Variants in CNOT1 observed in about 807,000 individuals in gnomAD.
The protein encoded by CNOT1 is CCR4-associated factor 1.
CNOT1 carries 15 observed loss-of-function variants against 273.8 expected under a neutral mutation model. The observed-to-expected ratio is 0.05, with a 90% confidence interval of 0.04 to 0.08. The LOEUF (loss-of-function observed/expected upper bound fraction) is 0.08. Ranked by LOEUF, CNOT1 falls within the 10% of genes least tolerant of loss-of-function variation. The pLI, the probability that CNOT1 is intolerant of heterozygous loss-of-function variation, is 1.00. For synonymous variants in CNOT1, 1,022 were observed against 1,005.5 expected, an observed-to-expected ratio of 1.02 and a Z score of -0.31; for missense variants, 1,644 against 2,912.2, an observed-to-expected ratio of 0.56 and a Z score of 10.02.
chr16:58,571,983 T>C (rs2041290126), intron 16 of CNOT1, among the ~76,000 whole-genome samples: 1 of 149,598 alleles, frequency 6.7e-6, no homozygotes, highest in Non-Finnish European at 1.5e-5. Context: ...AAATAAAAAA[T>C]TAAAAATAAA....
At chr16:58,593,671 A>G (rs2042145076) in intron 2 of CNOT1, among the ~76,000 whole-genome samples, 1 of 151,856 alleles carries the variant, frequency 6.6e-6, no homozygotes, top group African/African-American at 2.4e-5. Context: ...GAGTTTGAGG[A>G]GATGATGATC....
chr16:58,599,132 AAGTT>A, intron 2 of CNOT1, 100 bp downstream of exon 2: 1 of 1,488,976 alleles, frequency 6.7e-7, no homozygotes, highest in Admixed American at 1.9e-5. Flanking sequence ...TAAGGGGCAA[AAGTT>A]AGTTACCTTT....
At chr16:58,618,025 T>C (rs2043156166) in intron 1 of CNOT1, among the ~76,000 whole-genome samples, 1 of 152,012 alleles carries the variant, frequency 6.6e-6, no homozygotes, top group African/African-American at 2.4e-5. Context: ...AAAGAAAAAA[T>C]TGACTTTCCA....
chr16:58,563,442 T>C (rs1488898966), intron 16 of CNOT1, among the ~76,000 whole-genome samples: 1 of 152,054 alleles, frequency 6.6e-6, no homozygotes, highest in Non-Finnish European at 1.5e-5. Context: ...GACACATATC[T>C]CAGAAATGCA....
chr16:58,546,448 G>T lies in CNOT1; in HGVS notation c.3879C>A (p.Asp1293Glu), dbSNP rs934261460. The T allele has an allele frequency of 6.2e-7, 1 of 1,613,812 alleles. No individual in the cohort carries two copies. Among genetic ancestry groups the T allele is most frequent in the Non-Finnish European group, 8.5e-7 (1 of 1,179,948 alleles). ...IEVLCKNLAL[D>E]INELKPGNLL... ...GGTTTCCAGGTTTTAGCTCATTGAT[G>T]TCTAATGCAAGGTTCTTGCAGAGAA... Residue 1293 changes from aspartate (D) to glutamate (E), a missense_variant, in exon 29 of 49, where the codon GAC becomes GAA. This residue lies in a region of CNOT1 where 124 missense variants were observed against 289.3 expected (regional missense o/e 0.43). Coordinates refer to ENST00000317147, the MANE Select transcript of CNOT1 (RefSeq NM_016284.5).
chr16:58,610,768 A>G (rs1348107936), intron 1 of CNOT1, among the ~76,000 whole-genome samples: 1 of 151,548 alleles, frequency 6.6e-6, no homozygotes, highest in African/African-American at 2.4e-5. Context: ...GCGTGAACCC[A>G]GGAGGTGGAG....
chr16:58,606,922 T>TG (rs11318549), intron 1 of CNOT1, among the ~76,000 whole-genome samples: 27 of 151,726 alleles, frequency 1.8e-4, no homozygotes, highest in South Asian at 1.5e-3. Flanking sequence ...ACTGCAGAGC[T>TG]GGGGGGGGGA....
intron 1 of CNOT1, among the ~76,000 whole-genome samples, chr16:58,607,739 G>GAAAAAAAAAAAAAAAAAAAAAA (rs61153626): frequency 1.0e-5 from 1 of 97,430 alleles, no homozygotes; most frequent in Non-Finnish European, 1.9e-5. Context: ...AAAAAAAAAA[G>GAAAAAAAAAAAAAAAAAAAAAA]AAAGAAAGAA....
chr16:58,591,783 T>C (rs770973833), intron 2 of CNOT1, among the ~76,000 whole-genome samples: 2 of 151,820 alleles, frequency 1.3e-5, no homozygotes, highest in African/African-American at 4.8e-5. Context: ...AACTATGGGA[T>C]ACTCCATTAT....
At chr16:58,584,637 C>T (rs1451144472) in intron 8 of CNOT1, among the ~76,000 whole-genome samples, 1 of 150,214 alleles carries the variant, frequency 6.7e-6, no homozygotes, top group Non-Finnish European at 1.5e-5. Flanking sequence ...CAGCCTGCAT[C>T]CTAACTTTTC....
intron 16 of CNOT1, among the ~76,000 whole-genome samples, chr16:58,565,779 A>G (rs1272182161): frequency 6.6e-6 from 1 of 152,044 alleles, no homozygotes; most frequent in Non-Finnish European, 1.5e-5. Flanking sequence ...CCCCATCTCT[A>G]CCAAAAATAC....
intron 12 of CNOT1, among the ~76,000 whole-genome samples, 156 bp downstream of exon 12, chr16:58,580,477 T>C (rs1211952091): frequency 6.6e-6 from 1 of 152,178 alleles, no homozygotes; most frequent in African/African-American, 2.4e-5. Flanking sequence ...AAAGAATTTA[T>C]CTACCAACCC....
Position 58,547,752 on chromosome 16 carries a change from G to C in CNOT1, c.3523-70C>G, listed in dbSNP as rs2040305633. 7 of 1,449,548 alleles carry C rather than the reference G, an allele frequency of 4.8e-6. No homozygotes were observed. Among genetic ancestry groups the C allele is most frequent in the Non-Finnish European group, 6.6e-6 (7 of 1,068,444 alleles). The allele number at this position is 1,449,548 out of a possible 1,614,324, so 89.8% of individuals were successfully genotyped here. A position where few individuals can be genotyped will look rare whatever the true frequency, so the allele number is the denominator to read the frequency against. ...AAAGAAAACTCAACTAAGTATTTGA[G>C]AATTCCATTATCCTATCCTAAAGAC... On this transcript the variant is annotated intron_variant, in intron 25 of 48. Coordinates refer to ENST00000317147, the MANE Select transcript of CNOT1 (RefSeq NM_016284.5). This position sits in a 1 kb window ranked among gnomAD's most constrained non-coding sequence, Gnocchi z 4.0.
chr16:58,593,653 T>C (rs2042144212), intron 2 of CNOT1, among the ~76,000 whole-genome samples: 3 of 151,702 alleles, frequency 2.0e-5, no homozygotes, highest in African/African-American at 7.3e-5. Flanking sequence ...AGAACTGCTT[T>C]AGCCCAGGAG....
intron 2 of CNOT1, among the ~76,000 whole-genome samples, chr16:58,592,281 G>A (rs544782483): frequency 2.0e-5 from 3 of 151,960 alleles, no homozygotes; most frequent in African/African-American, 7.2e-5. Flanking sequence ...TGGCAGCATA[G>A]AAGAAACATT....
chr16:58,526,488 G>C (rs2039583904), intron 44 of CNOT1, among the ~76,000 whole-genome samples: 1 of 108,144 alleles, frequency 9.2e-6, no homozygotes, highest in South Asian at 3.2e-4. Context: ...GCCCCAGCAA[G>C]ACCAGACATC....
intron 1 of CNOT1, among the ~76,000 whole-genome samples, chr16:58,600,951 T>C (rs1297705061): frequency 6.6e-6 from 1 of 152,172 alleles, no homozygotes; most frequent in Non-Finnish European, 1.5e-5. Context: ...TATTCTGTTG[T>C]TGTTGCTGTT....
At chr16:58,528,710 T>C in intron 43 of CNOT1, 62 bp from the exon 44 acceptor site, 1 of 1,255,416 alleles carries the variant, frequency 8.0e-7, no homozygotes, top group African/African-American at 1.5e-5. Flanking sequence ...CATTTTCCTA[T>C]TGTAACTTAA....
intron 16 of CNOT1, among the ~76,000 whole-genome samples, chr16:58,568,298 G>A (rs925304072): frequency 3.9e-5 from 6 of 152,016 alleles, no homozygotes; most frequent in South Asian, 2.1e-4. Flanking sequence ...AACCCAGGAG[G>A]TGGAGGTTGC....
Sources: allele counts gnomAD v4.1 joint callset (sites outside exome capture counted in the v4.1 genomes callset), GRCh38; gene constraint gnomAD v4.1.1; regional missense constraint gnomAD v4.1.1; non-coding constraint Gnocchi (gnomAD v3.1); transcripts MANE v1.5; gene names NCBI Gene and HGNC (gene_info 2026-07-23, HGNC 2026-07-21).